The following LATS2 variants were observed in gnomAD, a reference collection of about 807,000 sequenced individuals.
LATS2 encodes the protein serine/threonine-protein kinase LATS2.
LATS2 carries 24 observed loss-of-function variants against 76.0 expected under a neutral mutation model. The observed-to-expected ratio is 0.32, with a 90% CI of 0.23 to 0.44. The LOEUF (loss-of-function observed/expected upper bound fraction) is 0.44. Ranked by LOEUF, LATS2 falls within the 20% of genes least tolerant of loss-of-function variation. The pLI, the probability that LATS2 is intolerant of heterozygous loss-of-function variation, is 1.00. For synonymous variants in LATS2, 692 were observed against 635.4 expected (o/e 1.09, Z -1.34); for missense variants, 1,286 against 1,481.2 (o/e 0.87, Z 2.16).
chr13:20,974,823 G>T lies in LATS2; in HGVS notation c.*47C>A, dbSNP rs1050983205. ...TGGCCTGTGAGGGCACCGGCTCCGG[G>T]ACCCTGACCTGGGAGGCAGCGAGTG... is the stretch of plus-strand genomic sequence containing the variant. On this transcript the variant is annotated 3_prime_UTR_variant, in exon 8 of 8. Transcript: ENST00000382592. 6.4e-7 allele frequency: 1 copy of T among 1,553,470 alleles called. No individual in the cohort carries two copies. The highest frequency in any genetic ancestry group is 8.7e-7 in the Non-Finnish European group (1 of 1,152,412).
At chr13:20,984,216 G>C (rs1378559731) in intron 4 of LATS2, among the ~76,000 whole-genome samples, 1 of 152,234 alleles carries the variant, frequency 6.6e-6, no homozygotes, top group Admixed American at 6.5e-5. Flanking sequence ...TTACAGGCTT[G>C]AGCCACTGTG....
At chr13:21,056,864 G>A (rs1054831567) in intron 1 of LATS2, among the ~76,000 whole-genome samples, 2 of 152,244 alleles carry the variant, frequency 1.3e-5, no homozygotes, top group African/African-American at 4.8e-5. Context: ...GAAGGGCTAT[G>A]ATTTGATGGA....
chr13:21,039,891 T>C (rs1872806939), intron 2 of LATS2, among the ~76,000 whole-genome samples: 2 of 152,108 alleles, frequency 1.3e-5, no homozygotes, highest in African/African-American at 2.4e-5. Context: ...CTGACCAACA[T>C]AGTGAAATCC....
intron 2 of LATS2, among the ~76,000 whole-genome samples, chr13:21,033,187 T>C (rs971231564): frequency 2.0e-5 from 3 of 150,172 alleles, no homozygotes; most frequent in Non-Finnish European, 1.5e-5. Context: ...AAGTGGAGCC[T>C]AGAGCCAAAG....
intron 1 of LATS2, among the ~76,000 whole-genome samples, chr13:21,051,023 T>A (rs1310479459): frequency 2.0e-5 from 3 of 152,184 alleles, no homozygotes; most frequent in Non-Finnish European, 4.4e-5. Context: ...ATGGTCTTAG[T>A]GCAAGTCACA....
Position 20,988,404 on chromosome 13 carries a change from C to G in LATS2, c.1376G>C (p.Gly459Ala). Reference sequence around the variant, plus strand: ...GGGCACCCAGGCGGGGTGCGAGGGCCCCACAGCCGTCTGCGGCTCCGGCCT... The same window carrying G: ...GGGCACCCAGGCGGGGTGCGAGGGCGCCACAGCCGTCTGCGGCTCCGGCCT... Reference protein sequence around the residue: ...VLRPEPQTAVGPSHPAWVPAP... With the variant: ...VLRPEPQTAVAPSHPAWVPAP... Residue 459 changes from glycine to alanine, a missense_variant, in exon 4 of 8, where the codon GGG becomes GCG. Coordinates refer to ENST00000382592, the MANE Select transcript of LATS2 (RefSeq NM_014572.3). 7.1e-7 allele frequency: 1 copy of G among 1,404,990 alleles called. No individual in the cohort carries two copies. Among genetic ancestry groups the G allele is most frequent in the Non-Finnish European group, 9.2e-7 (1 of 1,089,886 alleles). The allele number at this position is 1,404,990 out of a possible 1,614,324, so 87.0% of individuals were successfully genotyped here. A position where few individuals can be genotyped will look rare whatever the true frequency, so the allele number is the denominator to read the frequency against.
At chr13:20,994,533 G>T (rs1012556346) in intron 2 of LATS2, among the ~76,000 whole-genome samples, 3 of 152,246 alleles carry the variant, frequency 2.0e-5, no homozygotes, top group African/African-American at 4.8e-5. Context: ...TGCGGGAGGA[G>T]TGTGTCAGAG....
At chr13:21,039,933 C>T (rs1194365448) in intron 2 of LATS2, among the ~76,000 whole-genome samples, 2 of 152,084 alleles carry the variant, frequency 1.3e-5, no homozygotes, top group Non-Finnish European at 2.9e-5. Flanking sequence ...ATTAGCTGGG[C>T]GTGGTGGCGC....
In LATS2 at chr13:20,973,979, C is replaced by G. The variant is rs567121317; in HGVS notation, c.*891G>C. On this transcript the variant is annotated 3_prime_UTR_variant, in exon 8 of 8. Coordinates refer to ENST00000382592, the MANE Select transcript of LATS2 (RefSeq NM_014572.3). The stretch of plus-strand genomic sequence containing the variant: ...ATGACAAATGTTTCAGTTCCCCCCC[C>G]CCAAAGAATCCAATCACAACCAAGA... The G allele has an allele frequency of 2.2e-4, 45 of 200,834 alleles. No homozygotes were observed. The highest frequency in any genetic ancestry group is 8.4e-4 in the African/African-American group (35 of 41,596). 12.4% of individuals were successfully genotyped at this position (200,834 alleles called of 1,614,324 possible). A position where few individuals can be genotyped will look rare whatever the true frequency, so the allele number is the denominator to read the frequency against.
intron 2 of LATS2, among the ~76,000 whole-genome samples, chr13:21,013,018 A>G (rs1296717668): frequency 2.0e-5 from 3 of 152,180 alleles, no homozygotes; most frequent in Non-Finnish European, 4.4e-5. Flanking sequence ...CTCTGATGTA[A>G]TATTTCCTTC....
intron 2 of LATS2, among the ~76,000 whole-genome samples, chr13:21,024,414 C>T (rs1262841864): frequency 2.0e-5 from 3 of 152,000 alleles, no homozygotes; most frequent in Admixed American, 6.6e-5. Flanking sequence ...CCAGCCTGGG[C>T]GACAGAGTGA....
At position 20,974,756 on chromosome 13, in the gene LATS2, C is replaced by T. The variant is rs1033182103; in HGVS notation, c.*114G>A. On this transcript the variant is annotated 3_prime_UTR_variant, in exon 8 of 8. Transcript: ENST00000382592. ...AGAGCAGAATTTCAAGTGAAGTAAT[C>T]GACGGACTAATTTAAAACAAAACAG... is the stretch of plus-strand genomic sequence containing the variant. 3.3e-5 allele frequency: 37 copies of T among 1,122,760 alleles called. No homozygotes were observed. The South Asian group carries it at 4.0e-4, about 12-fold the overall frequency. The allele number at this position is 1,122,760 out of a possible 1,614,324, so 69.5% of individuals were successfully genotyped here. A position where few individuals can be genotyped will look rare whatever the true frequency, so the allele number is the denominator to read the frequency against.
intron 4 of LATS2, among the ~76,000 whole-genome samples, chr13:20,987,380 T>C (rs1870204433): frequency 6.6e-6 from 1 of 152,214 alleles, no homozygotes; most frequent in Non-Finnish European, 1.5e-5. Flanking sequence ...AATAATTACC[T>C]TCTTCAGCAC....
At chr13:21,023,477 T>C (rs893786252) in intron 2 of LATS2, among the ~76,000 whole-genome samples, 1 of 151,746 alleles carries the variant, frequency 6.6e-6, no homozygotes, top group African/African-American at 2.4e-5. Context: ...CACGGACCCC[T>C]GCACTTCCCG....
At chr13:20,981,806 A>AG (rs1869902862) in intron 5 of LATS2, among the ~76,000 whole-genome samples, 158 bp from the exon 6 acceptor site, 1 of 152,186 alleles carries the variant, frequency 6.6e-6, no homozygotes, top group African/African-American at 2.4e-5. Flanking sequence ...GCTGCTCCAT[A>AG]GGGGCAGCCT....
At chr13:21,051,691 G>C (rs550171465) in intron 1 of LATS2, among the ~76,000 whole-genome samples, 18 of 152,290 alleles carry the variant, frequency 1.2e-4, no homozygotes, top group African/African-American at 4.3e-4. Context: ...GGGTCCAGTG[G>C]CTCACACATG....
intron 2 of LATS2, among the ~76,000 whole-genome samples, chr13:21,006,269 G>A (rs1871265582): frequency 6.6e-6 from 1 of 151,496 alleles, no homozygotes; most frequent in South Asian, 2.1e-4. Context: ...GGCTGGGACA[G>A]CTGTCATTAG....
At chr13:21,014,617 G>A (rs971777736) in intron 2 of LATS2, among the ~76,000 whole-genome samples, 2 of 152,236 alleles carry the variant, frequency 1.3e-5, no homozygotes, top group Non-Finnish European at 2.9e-5. Context: ...CATCCATGCA[G>A]CAACTGAAAC....
chr13:20,998,908 C>A (rs539171366), intron 2 of LATS2, among the ~76,000 whole-genome samples: 125 of 151,042 alleles, frequency 8.3e-4, no homozygotes, highest in African/African-American at 2.9e-3. Flanking sequence ...GCGACGTTGT[C>A]CACGCAGGGT....
Sources: allele counts gnomAD v4.1 joint callset (sites outside exome capture counted in the v4.1 genomes callset), GRCh38; gene constraint gnomAD v4.1.1; transcripts MANE v1.5; gene names NCBI Gene and HGNC (gene_info 2026-07-23, HGNC 2026-07-21).